The following ZNF142 variants were observed in gnomAD, a reference collection of about 807,000 sequenced individuals.
ZNF142 encodes the protein zinc finger protein 142, also known as zinc finger protein 142 (clone pHZ-49).
ZNF142 carries 96 observed loss-of-function variants against 132.1 expected under a neutral mutation model. That is an observed-to-expected ratio of 0.73 (90% CI 0.62 to 0.86). The LOEUF (loss-of-function observed/expected upper bound fraction) is 0.86. Among genes scored for constraint, ZNF142 ranks in the 40% least tolerant of loss-of-function variants. ZNF142 has a pLI of 0.00. For synonymous variants in ZNF142, 842 were observed against 890.1 expected (o/e 0.95, Z 0.96); for missense variants, 2,163 against 2,336.2 (o/e 0.93, Z 1.53).
In ZNF142 at chr2:218,650,373, G is replaced by A. The variant is rs760387165; in HGVS notation, c.1034C>T (p.Ala345Val). 6.2e-7 allele frequency: 1 copy of A among 1,614,214 alleles called. No individual in the cohort carries two copies. Among genetic ancestry groups the A allele is most frequent in the East Asian group, 2.2e-5 (1 of 44,886 alleles). ...AATGTCATTACCTTCCAGCCGCTGA[G>A]CCCCTTGGCCTTTATCCACAGCCTT... ...SQKAVDKGQG[A>V]QRLEGDVVSG... The change falls in exon 6 of 11, where the codon GCT becomes GTT. Residue 345 changes from alanine (A) to valine (V), a missense_variant. Physicochemically the swap from Ala to Val is moderately conservative, Grantham distance 64. This residue lies in a region of ZNF142 where 749 missense variants were observed against 830.3 expected (regional missense o/e 0.90). Transcript: ENST00000411696.
At position 218,642,081 on chromosome 2, in the gene ZNF142, G is replaced by T. The variant is rs1238411760; in HGVS notation, c.5035C>A (p.Pro1679Thr). ...TAGGGGCAGAGGTGACAGTGGTAAG[G>T]CTTTTCCCCAGTGTGGATGCGGCTG... The part of the protein sequence containing the change: ...WHSRIHTGEK[P>T]YHCHLCPYAC... Residue 1679 changes from proline (P) to threonine (T), a missense_variant, in exon 9 of 11, where the codon CCT (proline) becomes ACT (threonine). By Grantham distance (38) the Pro-to-Thr change is conservative. This residue lies in a region of ZNF142 where 325 missense variants were observed against 367.8 expected (regional missense o/e 0.88). Transcript: ENST00000411696. The surrounding 1 kb of genome is among the most constrained non-coding windows in gnomAD (Gnocchi z 4.6). 6.2e-7 allele frequency: 1 copy of T among 1,614,208 alleles called. No homozygotes were observed. The highest frequency in any genetic ancestry group is 2.2e-5 in the East Asian group (1 of 44,880).
At position 218,646,258 on chromosome 2, in the gene ZNF142, T is replaced by C. The variant is rs1697719698; in HGVS notation, c.1964A>G (p.Lys655Arg). The C allele has an allele frequency of 9.9e-6, 16 of 1,614,218 alleles. No homozygotes were observed. The highest frequency in any genetic ancestry group is 1.7e-5 in the Admixed American group (1 of 60,018). The change falls in exon 8 of 11, where the codon AAG becomes AGG. Residue 655 changes from lysine (K) to arginine (R), a missense_variant. By Grantham distance (26) the Lys-to-Arg change is conservative. Around this residue, in one of 7 missense-constraint regions of ZNF142, gnomAD observed 749 missense variants for 830.3 expected, o/e 0.90. Coordinates refer to ENST00000411696, the MANE Select transcript of ZNF142 (RefSeq NM_001379659.1). ...GCCACATTCAGTGCACATGTAATCC[T>C]TGGTGTTGGAGTGGGTCAGCATGTG... is the stretch of plus-strand genomic sequence containing the variant. ...SKHMLTHSNT[K>R]DYMCTECGYV...
At chr2:218,638,842 C>T (rs1014380130) in intron 10 of ZNF142, 34 bp from the exon 11 acceptor site, 28 of 1,526,402 alleles carry the variant, frequency 1.8e-5, no homozygotes, top group East Asian at 1.4e-4. Flanking sequence ...CATTGAAAGG[C>T]GGTGGAGCAA....
In ZNF142 at chr2:218,642,027, C is replaced by T; in HGVS notation, c.5088+1G>A. ...TCCTGCCCCATATCCTCTGACATTA[C>T]CTTGAGACGAGAGGGATCAGCACAG... On this transcript the variant is annotated splice_donor_variant, in intron 9 of 10. Coordinates refer to ENST00000411696, the MANE Select transcript of ZNF142 (RefSeq NM_001379659.1). LOFTEE classifies it high-confidence loss of function. This position sits in a 1 kb window ranked among gnomAD's most constrained non-coding sequence, Gnocchi z 4.6. 6.2e-7 allele frequency: 1 copy of T among 1,612,564 alleles called. No homozygotes were observed. The highest frequency in any genetic ancestry group is 8.5e-7 in the Non-Finnish European group (1 of 1,178,908).
chr2:218,640,159 C>T (rs1345710840), intron 10 of ZNF142, among the ~76,000 whole-genome samples: 3 of 148,670 alleles, frequency 2.0e-5, no homozygotes, highest in Non-Finnish European at 3.0e-5. Context: ...CCTTGAAATG[C>T]TCCTAATCAA....
At position 218,637,207 on chromosome 2, in the gene ZNF142, C is replaced by G; in HGVS notation, c.*1132G>C. ...TTCAATATGGTCTGTCATTGTTGGG[C>G]AAGAAGGGGAGGTACAAGGGTTGTG... On this transcript the variant is annotated 3_prime_UTR_variant, in exon 11 of 11. Transcript: ENST00000411696. 1 of 233,734 alleles carries G rather than the reference C, an allele frequency of 4.3e-6. No individual in the cohort carries two copies. The highest frequency in any genetic ancestry group is 5.6e-5 in the South Asian group (1 of 17,876). 14.5% of individuals were successfully genotyped at this position (233,734 alleles called of 1,614,324 possible). A position where few individuals can be genotyped will look rare whatever the true frequency, so the allele number is the denominator to read the frequency against.
intron 8 of ZNF142, 63 bp from the exon 9 acceptor site, chr2:218,645,127 A>G: frequency 6.4e-7 from 1 of 1,564,914 alleles, no homozygotes; most frequent in Admixed American, 1.7e-5. Flanking sequence ...AGAATCAGTC[A>G]GTAAATACTT....
rs1428764491 is a variant in ZNF142 at position 218,645,016 on chromosome 2, C to A, written c.2100G>T (p.Leu700=). The change falls in exon 9 of 11, where the codon CTG becomes CTT. Residue 700 remains leucine (L), a synonymous_variant. Transcript: ENST00000411696. The part of the protein sequence containing the change: ...CSYRCHRADQ[L]SSHKLRHQGK... ...CCTGATGCCGCAGCTTGTGGCTGCT[C>A]AGCTGATCAGCCCGGTGACAGCGAT... 9.9e-6 allele frequency: 16 copies of A among 1,613,708 alleles called. No individual in the cohort carries two copies. The highest frequency in any genetic ancestry group is 1.3e-5 in the Non-Finnish European group (15 of 1,179,912).
rs1228606913 is a variant in ZNF142 at position 218,634,968 on chromosome 2, G to A, written c.*3371C>T. Among the ~76,000 whole-genome samples the A allele has an allele frequency of 6.6e-6, 1 of 152,158 alleles. No individual in the cohort carries two copies. The highest frequency in any genetic ancestry group is 1.5e-5 in the Non-Finnish European group (1 of 68,022). ...GCTATAAAAGAGGCTGGCTGGGAGC[G>A]ATAGCTTACACCTGTAATCCCAGCG... On this transcript the variant is annotated 3_prime_UTR_variant, in exon 11 of 11. Transcript: ENST00000411696. This position sits in a 1 kb window ranked among gnomAD's most constrained non-coding sequence, Gnocchi z 4.0.
intron 3 of ZNF142, among the ~76,000 whole-genome samples, chr2:218,656,978 C>T (rs1938572542): frequency 1.3e-5 from 2 of 152,140 alleles, no homozygotes; most frequent in East Asian, 3.9e-4. Flanking sequence ...CACACACGCC[C>T]AGGTAAATTT....
Position 218,649,399 on chromosome 2 carries a change from C to T in ZNF142, c.1109G>A (p.Arg370His), listed in dbSNP as rs749167059. The T allele has an allele frequency of 4.4e-5, 71 of 1,613,218 alleles. No individual in the cohort carries two copies. Among genetic ancestry groups the T allele is most frequent in the Middle Eastern group, 1.6e-4 (1 of 6,082 alleles). ...FKTHMCPECK[R>H]CFKKRTHLVE... The stretch of plus-strand genomic sequence containing the variant: ...CAGATGAGTCCGCTTCTTAAAGCAG[C>T]GCTTACACTCTGGACACATATGGGT... The change falls in exon 7 of 11, where the codon CGC becomes CAC. Residue 370 changes from arginine to histidine, a missense_variant. Transcript: ENST00000411696.
chr2:218,650,947 G>A (rs1219473029), intron 5 of ZNF142, among the ~76,000 whole-genome samples: 4 of 151,148 alleles, frequency 2.6e-5, no homozygotes, highest in African/African-American at 7.3e-5. Context: ...CTACTAAAAC[G>A]CCGTCTCCCT....
intron 3 of ZNF142, among the ~76,000 whole-genome samples, chr2:218,658,477 G>A (rs370611809): frequency 1.2e-4 from 18 of 151,980 alleles, no homozygotes; most frequent in African/African-American, 3.9e-4. Flanking sequence ...GGAGGCGGAG[G>A]TTGCAGTGAG....
intron 10 of ZNF142, among the ~76,000 whole-genome samples, chr2:218,639,056 C>T (rs1462649436): frequency 6.6e-6 from 1 of 152,242 alleles, no homozygotes; most frequent in Non-Finnish European, 1.5e-5. Flanking sequence ...ACTACAACCT[C>T]CGCCTCCCAG....
rs377006217 is a variant in ZNF142 at position 218,638,676 on chromosome 2, G to A, written c.5327C>T (p.Thr1776Met). 41 of 1,614,086 alleles carry A rather than the reference G, an allele frequency of 2.5e-5. No homozygotes were observed. Among genetic ancestry groups the A allele is most frequent in the South Asian group, 1.8e-4 (16 of 91,090 alleles). ...MCEQCGKAFK[T>M]RFLLRTHLRK... ...AAGGTGGGTGCGCAGCAGGAAGCGC[G>A]TCTTGAAGGCCTTGCCACACTGCTC... Residue 1776 changes from threonine (T) to methionine (M), a missense_variant, in exon 11 of 11, where the codon ACG (threonine) becomes ATG (methionine). Transcript: ENST00000411696.
rs1409630840 is a variant in ZNF142, at chr2:218,648,785, T to C, written c.1723A>G (p.Thr575Ala). The C allele has an allele frequency of 4.3e-6, 7 of 1,614,074 alleles. No homozygotes were observed. The South Asian group carries it at 7.7e-5, about 18-fold the overall frequency. ...TTGAAGGTGGCAAAGGGGCAGAAGG[T>C]GCAGCGCAGCTCTTCACTGCCAGGG... Reference protein sequence around the residue: ...GHPGSEELRCTFCPFATFNPV... With the variant: ...GHPGSEELRCAFCPFATFNPV... Residue 575 changes from threonine (T) to alanine (A), a missense_variant, in exon 7 of 11, where the codon ACC becomes GCC. By Grantham distance (58) the Thr-to-Ala change is moderately conservative (BLOSUM62 0). Around this residue, in one of 7 missense-constraint regions of ZNF142, gnomAD observed 749 missense variants for 830.3 expected, o/e 0.90. Transcript: ENST00000411696.
At position 218,636,494 on chromosome 2, in the gene ZNF142, T is replaced by TTTGA; in HGVS notation, c.*1844_*1845insTCAA. The TTTGA allele has an allele frequency of 6.2e-7, 1 of 1,614,024 alleles. No homozygotes were observed. On this transcript the variant is annotated 3_prime_UTR_variant, in exon 11 of 11. Coordinates refer to ENST00000411696, the MANE Select transcript of ZNF142 (RefSeq NM_001379659.1). ...AGGTTACCGCCACATTCACCTGCTG[T>TTTGA]CCAAAGATGGCATCAGCCTCCGCCC...
Position 218,636,364 on chromosome 2 carries a change from C to T in ZNF142, c.*1975G>A, listed in dbSNP as rs1239549686. ...CCCGAAATGACTTTATTGGTCAGTA[C>T]ACCCTGCCTTGGACCTGCATGCAAC... On this transcript the variant is annotated 3_prime_UTR_variant, in exon 11 of 11. Transcript: ENST00000411696. The T allele has an allele frequency of 6.2e-7, 1 of 1,614,016 alleles. No individual in the cohort carries two copies. Among genetic ancestry groups the T allele is most frequent in the South Asian group, 1.1e-5 (1 of 91,084 alleles).
In ZNF142 at chr2:218,638,613, A is replaced by T. The variant is rs371270102; in HGVS notation, c.5390T>A (p.Val1797Glu). Residue 1797 changes from valine (V) to glutamate (E), a missense_variant, in exon 11 of 11, where the codon GTG (valine) becomes GAG (glutamate). Physicochemically the swap from Val to Glu is moderately radical, Grantham distance 121. Transcript: ENST00000411696. ...AGCCCAGCGGAAAGCACGGTGGCACACATTGCACACATAGGGTTTGGCCTC... is the reference window on the plus strand; with the variant it reads ...AGCCCAGCGGAAAGCACGGTGGCACTCATTGCACACATAGGGTTTGGCCTC... ...HSEAKPYVCN[V>E]CHRAFRWAAG... 6 of 1,614,234 alleles carry T rather than the reference A, an allele frequency of 3.7e-6. No individual in the cohort carries two copies. The highest frequency in any genetic ancestry group is 5.1e-6 in the Non-Finnish European group (6 of 1,180,022).
Sources: allele counts gnomAD v4.1 joint callset (sites outside exome capture counted in the v4.1 genomes callset), GRCh38; gene constraint gnomAD v4.1.1; regional missense constraint gnomAD v4.1.1; non-coding constraint Gnocchi (gnomAD v3.1); transcripts MANE v1.5; gene names NCBI Gene and HGNC (gene_info 2026-07-23, HGNC 2026-07-21).